NBAS: variants seen among roughly 807,000 people sequenced by gnomAD.
NBAS encodes the protein NBAS subunit of NRZ tethering complex, also known as NAG/BC035112 fusion.
Under a neutral mutation model 302.5 loss-of-function variants are expected in NBAS, and 219 were observed. The ratio of observed to expected loss-of-function variants is 0.72; its 90% CI spans 0.65 to 0.81. NBAS has a LOEUF of 0.81. Ranked by LOEUF, NBAS falls within the 30% of genes least tolerant of loss-of-function variation. The probability of loss-of-function intolerance (pLI) is 0.00; values close to 1 mark genes in which losing one functional copy is unlikely to be tolerated. For synonymous variants in NBAS, 1,118 were observed against 1,021.6 expected (o/e 1.09, Z -1.80); for missense variants, 2,932 against 2,841.6 (o/e 1.03, Z -0.72).
intron 42 of NBAS, among the ~76,000 whole-genome samples, chr2:15,283,810 C>T (rs1669925817): frequency 6.6e-6 from 1 of 152,142 alleles, no homozygotes; most frequent in South Asian, 2.1e-4. Context: ...ATGCTCCAGG[C>T]TACATGGTTG....
chr2:15,303,640 T>G (rs1670904926), intron 40 of NBAS, among the ~76,000 whole-genome samples: 1 of 152,190 alleles, frequency 6.6e-6, no homozygotes, highest in South Asian at 2.1e-4. Flanking sequence ...GGATGGAATG[T>G]AATGGTTTTC....
intron 51 of NBAS, among the ~76,000 whole-genome samples, chr2:15,169,445 A>G (rs958699064): frequency 3.9e-5 from 6 of 152,058 alleles, no homozygotes; most frequent in Non-Finnish European, 7.4e-5. Flanking sequence ...ATGCCTAGCA[A>G]ACAAGAGTCT....
At chr2:14,842,906 C>A in the NBAS span, among the ~76,000 whole-genome samples, 1 of 148,458 alleles carries the variant, frequency 6.7e-6, no homozygotes, top group Non-Finnish European at 1.5e-5. Context: ...TGCAAAAATT[C>A]TCAACAAAAT....
the NBAS span, among the ~76,000 whole-genome samples, chr2:15,077,013 C>T: frequency 6.6e-6 from 1 of 152,204 alleles, no homozygotes; most frequent in African/African-American, 2.4e-5. Flanking sequence ...TGTTTCAAGG[C>T]TTACACCACT....
chr2:15,405,319 T>A (rs1191842110), intron 25 of NBAS, among the ~76,000 whole-genome samples: 3 of 152,226 alleles, frequency 2.0e-5, no homozygotes, highest in African/African-American at 4.8e-5. Flanking sequence ...ATTCTGCATA[T>A]CTTTTAAAAT....
Position 15,319,767 on chromosome 2 carries a change from C to CA in NBAS, c.4582+7982dup, listed in dbSNP as rs1474974975. ...AGGCAATAATTAACAGCCTACCAAC[C>CA]AAAAAAAGTCCAGAACCAGAGATTC... is the stretch of plus-strand genomic sequence containing the variant. On this transcript the variant is annotated intron_variant, in intron 38 of 51. Coordinates refer to ENST00000281513, the MANE Select transcript of NBAS (RefSeq NM_015909.4). Among the ~76,000 whole-genome samples, 5 of 151,976 alleles carry CA rather than the reference C, an allele frequency of 3.3e-5. No individual in the cohort carries two copies. In the East Asian group the frequency reaches 9.7e-4, roughly 29 times the overall value.
chr2:15,440,820 T>C (rs926392663), intron 21 of NBAS, among the ~76,000 whole-genome samples: 28 of 151,934 alleles, frequency 1.8e-4, no homozygotes, highest in Non-Finnish European at 7.4e-5. Flanking sequence ...AAGGAGCTGA[T>C]GGAGCTGAAA....
chr2:15,304,674 G>A (rs1162779619), intron 40 of NBAS, among the ~76,000 whole-genome samples: 1 of 152,198 alleles, frequency 6.6e-6, no homozygotes, highest in Non-Finnish European at 1.5e-5. Context: ...GGAACTTGTT[G>A]GGGACAAAGA....
intron 21 of NBAS, among the ~76,000 whole-genome samples, chr2:15,457,430 T>C (rs1161288588): frequency 6.6e-6 from 1 of 152,164 alleles, no homozygotes; most frequent in Non-Finnish European, 1.5e-5. Flanking sequence ...AGTGAGGGGA[T>C]GTCAAGGTCA....
chr2:15,004,511 T>C, the NBAS span, among the ~76,000 whole-genome samples: 1 of 152,122 alleles, frequency 6.6e-6, no homozygotes, highest in Non-Finnish European at 1.5e-5. Context: ...AGAGTTACCC[T>C]TTGTTTTTAA....
rs1038535146 is a variant in NBAS, at chr2:15,515,990, A to G, written c.747-4640T>C. The stretch of plus-strand genomic sequence containing the variant: ...TGATGAGATAAGGTGGGGAGAAGGG[A>G]AGGGTCACGGCAATGGAGGCAGGGA... On this transcript the variant is annotated intron_variant, in intron 9 of 51. Coordinates refer to ENST00000281513, the MANE Select transcript of NBAS (RefSeq NM_015909.4). 1.2e-4 allele frequency among the ~76,000 whole-genome samples: 18 copies of G among 152,134 alleles called. 1 individual carries two copies. The highest frequency in any genetic ancestry group is 4.1e-4 in the African/African-American group (17 of 41,422).
chr2:15,238,064 C>T (rs1024158352), intron 45 of NBAS, among the ~76,000 whole-genome samples: 7 of 152,076 alleles, frequency 4.6e-5, no homozygotes, highest in Admixed American at 1.3e-4. Context: ...AGTGAGCCAC[C>T]GCGCCCAGCC....
At chr2:14,985,640 C>A in the NBAS span, among the ~76,000 whole-genome samples, 1 of 152,160 alleles carries the variant, frequency 6.6e-6, no homozygotes, top group Non-Finnish European at 1.5e-5. Context: ...AGGACAGGGG[C>A]TCTTTCCATA....
chr2:14,808,187 T>C, the NBAS span, among the ~76,000 whole-genome samples: 5 of 152,222 alleles, frequency 3.3e-5, no homozygotes, highest in African/African-American at 9.6e-5. Flanking sequence ...CCCATTTCTA[T>C]TGAAAAATAA....
At chr2:15,185,012 A>T (rs778275725) in intron 50 of NBAS, among the ~76,000 whole-genome samples, 1 of 152,246 alleles carries the variant, frequency 6.6e-6, no homozygotes, top group Non-Finnish European at 1.5e-5. Flanking sequence ...GAAAACTGAC[A>T]GTAACATTTA....
chr2:15,178,484 A>G (rs1019469794), intron 51 of NBAS, among the ~76,000 whole-genome samples: 6 of 152,232 alleles, frequency 3.9e-5, no homozygotes, highest in African/African-American at 1.4e-4. Flanking sequence ...ACTCCAGTAC[A>G]TTACTCTTCA....
At chr2:15,444,352 T>C (rs1286077010) in intron 21 of NBAS, among the ~76,000 whole-genome samples, 3 of 152,158 alleles carry the variant, frequency 2.0e-5, no homozygotes, top group Non-Finnish European at 2.9e-5. Context: ...TAACGTCGCA[T>C]ATCTACAACT....
chr2:14,813,232 C>T, the NBAS span, among the ~76,000 whole-genome samples: 8 of 152,140 alleles, frequency 5.3e-5, no homozygotes, highest in African/African-American at 1.9e-4. Flanking sequence ...AATGTGGAAG[C>T]AACCTTAAAA....
the NBAS span, among the ~76,000 whole-genome samples, chr2:14,801,844 CCTT>C: frequency 6.6e-6 from 1 of 151,552 alleles, no homozygotes; most frequent in Non-Finnish European, 1.5e-5. Flanking sequence ...CTGTTCATGT[CCTT>C]CGCCCACTTT....
Sources: gnomAD v4.1 joint callset for allele counts (sites outside exome capture counted in the v4.1 genomes callset) on GRCh38, gnomAD v4.1.1 for gene constraint, MANE v1.5 for transcripts, NCBI Gene and HGNC (gene_info 2026-07-23, HGNC 2026-07-21) for gene names.